The following ARSF variants were observed in gnomAD, a reference collection of about 807,000 sequenced individuals.
ARSF encodes arylsulfatase F.
In ARSF, 33 loss-of-function variants were observed where a neutral mutation model predicts 35.4. That is an observed-to-expected ratio of 0.93 (90% confidence interval 0.71 to 1.25). The LOEUF is 1.25. ARSF is among the 50% of genes most tolerant of loss of function. The probability of loss-of-function intolerance (pLI) is 0.00; values close to 1 mark genes in which losing one functional copy is unlikely to be tolerated. For synonymous variants in ARSF, 222 were observed against 193.1 expected (o/e 1.15, Z -1.24); for missense variants, 501 against 480.2 (o/e 1.04, Z -0.40).
chrX:3,112,545 G>A lies in ARSF; in HGVS notation c.1762G>A (p.Glu588Lys). Residue 588 changes from glutamate to lysine, a missense_variant, in exon 11 of 11, where the codon GAG (glutamate) becomes AAG (lysine). Coordinates refer to ENST00000381127, the MANE Select transcript of ARSF (RefSeq NM_001201539.2). The stretch of plus-strand genomic sequence containing the variant: ...AGTCTCTCAGCCTCGGGGTCCTAAC[G>A]AGAAGAGATAATTACAATCAGGCTA... ...EEVSQPRGPNEKR is the reference protein window; with the variant it reads ...EEVSQPRGPNKKR The A allele has an allele frequency of 8.3e-7, 1 of 1,201,799 alleles. No homozygotes were observed. Among genetic ancestry groups the A allele is most frequent in the Non-Finnish European group, 1.1e-6 (1 of 892,041 alleles).
intron 1 of ARSF, among the ~76,000 whole-genome samples, chrX:3,050,736 C>T (rs1197534539): frequency 9.0e-6 from 1 of 110,800 alleles, no homozygotes; most frequent in African/African-American, 3.3e-5. Context: ...GGGCTGTCCA[C>T]ATGCACAGTG....
At chrX:3,112,135 A>C in intron 10 of ARSF, 39 bp from the exon 11 acceptor site, 6 of 1,100,406 alleles carry the variant, frequency 5.5e-6, no homozygotes, top group Non-Finnish European at 7.4e-6. Context: ...ATCTGGCTGA[A>C]GTGCGCATCA....
chrX:3,094,428 G>A (rs774437365), intron 7 of ARSF, among the ~76,000 whole-genome samples: 1 of 111,989 alleles, frequency 8.9e-6, no homozygotes, highest in Non-Finnish European at 1.9e-5. Flanking sequence ...CCCCCAACCT[G>A]GCTTCCTGCT....
intron 2 of ARSF, among the ~76,000 whole-genome samples, chrX:3,069,351 T>G (rs923815865): frequency 1.8e-5 from 2 of 111,265 alleles, no homozygotes; most frequent in Non-Finnish European, 1.9e-5. Context: ...CTTTTGAGGG[T>G]CTCGTCCTGT....
rs140296181 is a variant in ARSF at position 3,061,602 on chromosome X, G to A, written c.-28-6471G>A. On this transcript the variant is annotated intron_variant, in intron 1 of 10. Transcript: ENST00000381127. ...GTAGGCTCAAAATAAAGGGATGGAGGAAGATCTACCAAGCAAATGGAAAGC... is the reference window on the plus strand; with the variant it reads ...GTAGGCTCAAAATAAAGGGATGGAGAAAGATCTACCAAGCAAATGGAAAGC... 9.3e-3 allele frequency among the ~76,000 whole-genome samples: 1,037 copies of A among 110,922 alleles called. 16 individuals carry two copies. Among genetic ancestry groups the A allele is most frequent in the African/African-American group, 0.032 (981 of 30,511 alleles).
intron 3 of ARSF, among the ~76,000 whole-genome samples, chrX:3,072,528 G>A (rs2090112891): frequency 9.0e-6 from 1 of 110,847 alleles, no homozygotes; most frequent in Non-Finnish European, 1.9e-5. Context: ...GTAAAAGCAT[G>A]GCTATCTGGA....
chrX:3,095,607 G>A (rs187685257), intron 7 of ARSF, among the ~76,000 whole-genome samples: 1,422 of 109,414 alleles, frequency 0.013, 13 homozygotes, highest in Non-Finnish European at 0.021. Flanking sequence ...TACATTTAAT[G>A]TTAAGTTTGT....
chrX:3,067,447 A>G (rs926186611), intron 1 of ARSF, among the ~76,000 whole-genome samples: 26 of 110,991 alleles, frequency 2.3e-4, no homozygotes, highest in African/African-American at 8.5e-4. Context: ...ATTTTGATTA[A>G]TTGCCTCTTT....
intron 7 of ARSF, among the ~76,000 whole-genome samples, chrX:3,094,056 C>T (rs2090322336): frequency 8.9e-6 from 1 of 111,976 alleles, no homozygotes; most frequent in African/African-American, 3.2e-5. Flanking sequence ...AGTAGCCTTT[C>T]CAGCTGGTAT....
intron 5 of ARSF, among the ~76,000 whole-genome samples, chrX:3,083,315 T>C (rs1238898162): frequency 9.0e-6 from 1 of 111,348 alleles, no homozygotes; most frequent in African/African-American, 3.3e-5. Flanking sequence ...TTATCTATCA[T>C]ATCCCATCTG....
chrX:3,074,196 G>A (rs1209293249), intron 3 of ARSF, among the ~76,000 whole-genome samples: 2 of 111,211 alleles, frequency 1.8e-5, no homozygotes, highest in South Asian at 7.8e-4. Flanking sequence ...TTTACAGAGA[G>A]TATGTTAGCG....
intron 1 of ARSF, among the ~76,000 whole-genome samples, chrX:3,064,632 A>C (rs751656145): frequency 1.7e-4 from 19 of 111,997 alleles, no homozygotes; most frequent in African/African-American, 5.8e-4. Context: ...CCCATCAAAA[A>C]GTGGGCAAAG....
chrX:3,092,082 A>G lies in ARSF; in HGVS notation c.967+2450A>G, dbSNP rs138460540. 7.9e-3 allele frequency among the ~76,000 whole-genome samples: 877 copies of G among 110,827 alleles called. 7 individuals are homozygous for G. The highest frequency in any genetic ancestry group is 0.027 in the African/African-American group (822 of 30,538). ...TGATACATATGACAGATGATAGATG[A>G]CAGATAAGATAGGTGATTGATAGAT... On this transcript the variant is annotated intron_variant, in intron 7 of 10. Transcript: ENST00000381127.
chrX:3,083,488 AT>A (rs1463385507), intron 5 of ARSF, among the ~76,000 whole-genome samples: 23 of 43,732 alleles, frequency 5.3e-4, no homozygotes, highest in Non-Finnish European at 8.9e-4. Context: ...TATCCTATCT[AT>A]CTATCTATCT....
In ARSF at chrX:3,092,396, G is replaced by T. The variant is rs771238134; in HGVS notation, c.967+2764G>T. Reference sequence around the variant, plus strand: ...CAAACTCAGGCTGTGATAAGTAAAAGACATTACTATTTGCTTTAAAAATTT... The same window carrying T: ...CAAACTCAGGCTGTGATAAGTAAAATACATTACTATTTGCTTTAAAAATTT... On this transcript the variant is annotated intron_variant, in intron 7 of 10. Coordinates refer to ENST00000381127, the MANE Select transcript of ARSF (RefSeq NM_001201539.2). Among the ~76,000 whole-genome samples, 21 of 111,783 alleles carry T rather than the reference G, an allele frequency of 1.9e-4. No homozygotes were observed. In the East Asian group the frequency reaches 5.3e-3, roughly 28 times the overall value.
At chrX:3,043,250 A>G (rs2089962393) in intron 1 of ARSF, among the ~76,000 whole-genome samples, 1 of 112,388 alleles carries the variant, frequency 8.9e-6, no homozygotes, top group Non-Finnish European at 1.9e-5. Context: ...CTTGTTGTTT[A>G]AGAGAGATGT....
intron 1 of ARSF, among the ~76,000 whole-genome samples, chrX:3,067,193 T>A (rs142705116): frequency 0.065 from 7,090 of 108,886 alleles, 302 homozygotes; most frequent in African/African-American, 0.16. Flanking sequence ...ATAGTATGTG[T>A]CCAGAGTATA....
chrX:3,068,092 A>G lies in ARSF; in HGVS notation c.-9A>G. Reference sequence around the variant, plus strand: ...CCAAAGACAACAAGAAGGTATTCCAAGCTGCACAATGAGGCCCAGGTAGGT... The same window carrying G: ...CCAAAGACAACAAGAAGGTATTCCAGGCTGCACAATGAGGCCCAGGTAGGT... On this transcript the variant is annotated 5_prime_UTR_variant, in exon 2 of 11. Coordinates refer to ENST00000381127, the MANE Select transcript of ARSF (RefSeq NM_001201539.2). 1 of 1,205,181 alleles carries G rather than the reference A, an allele frequency of 8.3e-7. No homozygotes were observed. The highest frequency in any genetic ancestry group is 1.7e-5 in the African/African-American group (1 of 57,277).
intron 8 of ARSF, among the ~76,000 whole-genome samples, chrX:3,102,696 C>G (rs764991127): frequency 4.5e-5 from 5 of 111,934 alleles, no homozygotes; most frequent in Non-Finnish European, 7.5e-5. Context: ...AGGCGGATCA[C>G]AAGGTCAAGA....
Sources: gnomAD v4.1 joint callset for allele counts (sites outside exome capture counted in the v4.1 genomes callset) on GRCh38, gnomAD v4.1.1 for gene constraint, MANE v1.5 for transcripts, NCBI Gene and HGNC (gene_info 2026-07-23, HGNC 2026-07-21) for gene names.